FTSJ3: variants seen among roughly 807,000 people sequenced by gnomAD.
The protein encoded by FTSJ3 is pre-rRNA 2'-O-ribose RNA methyltransferase FTSJ3.
Under a neutral mutation model 111.5 loss-of-function variants are expected in FTSJ3, and 46 were observed. The observed-to-expected ratio is 0.41, with a 90% CI of 0.33 to 0.53. FTSJ3 has a LOEUF of 0.53. Among genes scored for constraint, FTSJ3 ranks in the 20% least tolerant of loss-of-function variants. The pLI is 0.19. For missense variants in FTSJ3, 1,075 were observed against 1,063.8 expected, an observed-to-expected ratio of 1.01 and a Z score of -0.15; for synonymous variants, 408 against 383.0, an observed-to-expected ratio of 1.07 and a Z score of -0.76.
In FTSJ3 at chr17:63,826,686, C is replaced by G. The variant is rs750989812; in HGVS notation, c.68-14G>C. 8.1e-6 allele frequency: 13 copies of G among 1,607,346 alleles called. No homozygotes were observed. Among genetic ancestry groups the G allele is most frequent in the Non-Finnish European group, 1.0e-5 (12 of 1,174,258 alleles). On this transcript the variant is annotated splice_polypyrimidine_tract_variant and intron_variant, in intron 2 of 20. Coordinates refer to ENST00000427159, the MANE Select transcript of FTSJ3 (RefSeq NM_017647.4). Reference sequence around the variant, plus strand: ...GGGAACGGTAACCTGGACAAAACAACCAAGTGCGCAAACTGCTTCACTAGT... The same window carrying G: ...GGGAACGGTAACCTGGACAAAACAAGCAAGTGCGCAAACTGCTTCACTAGT...
chr17:63,823,609 T>A (rs1051678357), intron 13 of FTSJ3: 52 of 470,342 alleles, frequency 1.1e-4, no homozygotes, highest in East Asian at 1.8e-4. Flanking sequence ...AAAAAAAAAA[T>A]AAATCTATCA....
chr17:63,827,088 C>A lies in FTSJ3; in HGVS notation c.-63G>T. On this transcript the variant is annotated 5_prime_UTR_variant, in exon 1 of 21. Transcript: ENST00000427159. The stretch of plus-strand genomic sequence containing the variant: ...GCCGCTTTCTCCACACTTGGAACCG[C>A]ACAAGTATGCAGCTAACTACTTCCG... 1.7e-6 allele frequency: 1 copy of A among 590,606 alleles called. No homozygotes were observed. The highest frequency in any genetic ancestry group is 1.9e-5 in the South Asian group (1 of 51,450). The allele number at this position is 590,606 out of a possible 1,614,324, so 36.6% of individuals were successfully genotyped here.
intron 2 of FTSJ3, 29 bp from the exon 3 acceptor site, chr17:63,826,701 G>T (rs1384440939): frequency 6.3e-7 from 1 of 1,583,850 alleles, no homozygotes; most frequent in Admixed American, 1.7e-5. Context: ...TGCGCAAACT[G>T]CTTCACTAGT....
Position 63,826,683 on chromosome 17 carries a change from C to A in FTSJ3, c.68-11G>T, listed in dbSNP as rs2040108314. The A allele has an allele frequency of 1.2e-6, 2 of 1,609,092 alleles. No individual in the cohort carries two copies. The highest frequency in any genetic ancestry group is 1.7e-6 in the Non-Finnish European group (2 of 1,176,188). On this transcript the variant is annotated splice_polypyrimidine_tract_variant and intron_variant, in intron 2 of 20. Transcript: ENST00000427159. ...ATCGGGAACGGTAACCTGGACAAAA[C>A]AACCAAGTGCGCAAACTGCTTCACT...
Position 63,827,374 on chromosome 17 carries a change from C to T in FTSJ3, c.-349G>A. 1 of 1,437,326 alleles carries T rather than the reference C, an allele frequency of 7.0e-7. No individual in the cohort carries two copies. Among genetic ancestry groups the T allele is most frequent in the Non-Finnish European group, 9.6e-7 (1 of 1,046,538 alleles). 89.0% of individuals were successfully genotyped at this position (1,437,326 alleles called of 1,614,324 possible). On this transcript the variant is annotated 5_prime_UTR_variant, in exon 1 of 21. The change creates a new upstream start codon in the 5' untranslated region. Coordinates refer to ENST00000427159, the MANE Select transcript of FTSJ3 (RefSeq NM_017647.4). ...GTTCCCTTAGTGTGGTCTCGCCGCACACCCCGCCCATTGACCCGGAATTCT... is the reference window on the plus strand; with the variant it reads ...GTTCCCTTAGTGTGGTCTCGCCGCATACCCCGCCCATTGACCCGGAATTCT...
chr17:63,827,185 C>G lies in FTSJ3; in HGVS notation c.-160G>C. 1.7e-6 allele frequency: 1 copy of G among 605,634 alleles called. No individual in the cohort carries two copies. Among genetic ancestry groups the G allele is most frequent in the South Asian group, 2.0e-5 (1 of 50,080 alleles). The allele number at this position is 605,634 out of a possible 1,614,324, so 37.5% of individuals were successfully genotyped here. On this transcript the variant is annotated 5_prime_UTR_variant, in exon 1 of 21. Coordinates refer to ENST00000427159, the MANE Select transcript of FTSJ3 (RefSeq NM_017647.4). ...TTTGAGTGTGGCCCTAGATTGTTCT[C>G]AATACTCTGTCCTTGGGTTTTGTAA...
rs202184279 is a variant in FTSJ3 at position 63,820,244 on chromosome 17, C to G, written c.2256+11G>C. ...CCACCCCACCCAATCTCTGGAGGCC[C>G]CATCACTTACCCTCCTTTTCTTTCT... is the stretch of plus-strand genomic sequence containing the variant. On this transcript the variant is annotated intron_variant, in intron 19 of 20. Coordinates refer to ENST00000427159, the MANE Select transcript of FTSJ3 (RefSeq NM_017647.4). 4.4e-6 allele frequency: 7 copies of G among 1,600,326 alleles called. No individual in the cohort carries two copies. In the East Asian group the frequency reaches 1.4e-4, roughly 31 times the overall value.
intron 4 of FTSJ3, 45 bp downstream of exon 4, chr17:63,826,213 T>C (rs905659779): frequency 6.2e-7 from 1 of 1,610,038 alleles, no homozygotes; most frequent in South Asian, 1.1e-5. Context: ...AAATACCTTA[T>C]ACACCCACCC....
At chr17:63,820,231 A>ACCCCCCCC (rs2040035812) in intron 19 of FTSJ3, 24 bp downstream of exon 19, 1 of 477,328 alleles carries the variant, frequency 2.1e-6, no homozygotes, top group African/African-American at 4.4e-5. Flanking sequence ...ACCCCACCCA[A>ACCCCCCCC]TCTCTGGAGG....
In FTSJ3 at chr17:63,824,852, A is replaced by G; in HGVS notation, c.789T>C (p.Pro263=). The change falls in exon 9 of 21, where the codon CCT becomes CCC. Residue 263 remains proline (P), a synonymous_variant. Coordinates refer to ENST00000427159, the MANE Select transcript of FTSJ3 (RefSeq NM_017647.4). ...CGCTGGCCTTGGAGAGGAAGTCAACAGGGTTGGCAGCTCGGAGGAAGTCAG... is the reference window on the plus strand; with the variant it reads ...CGCTGGCCTTGGAGAGGAAGTCAACGGGGTTGGCAGCTCGGAGGAAGTCAG... The part of the protein sequence containing the change: ...SVTDFLRAAN[P]VDFLSKASEI... 6.2e-7 allele frequency: 1 copy of G among 1,606,340 alleles called. No homozygotes were observed. Among genetic ancestry groups the G allele is most frequent in the Non-Finnish European group, 8.5e-7 (1 of 1,175,226 alleles).
intron 16 of FTSJ3, 104 bp downstream of exon 16, chr17:63,821,250 T>A (rs2040048245): frequency 4.6e-6 from 7 of 1,509,864 alleles, no homozygotes; most frequent in Non-Finnish European, 6.4e-6. Context: ...GTACAGTATT[T>A]TTAACCCTCC....
Position 63,827,047 on chromosome 17 carries a change from A to G in FTSJ3, c.-27+5T>C. On this transcript the variant is annotated splice_donor_5th_base_variant and intron_variant, in intron 1 of 20. Coordinates refer to ENST00000427159, the MANE Select transcript of FTSJ3 (RefSeq NM_017647.4). The stretch of plus-strand genomic sequence containing the variant: ...TTCCACCCCGCGCCCCTCTCCGCAC[A>G]CTACCTAGACCCAGAGCCGCTTTCT... 5.2e-6 allele frequency: 4 copies of G among 768,310 alleles called. No homozygotes were observed. The highest frequency in any genetic ancestry group is 1.5e-5 in the South Asian group (1 of 65,768). The allele number at this position is 768,310 out of a possible 1,614,324, so 47.6% of individuals were successfully genotyped here. A position where few individuals can be genotyped will look rare whatever the true frequency, so the allele number is the denominator to read the frequency against.
In FTSJ3 at chr17:63,820,418, T is replaced by A; in HGVS notation, c.2093A>T (p.Glu698Val). ...CACAAACCACTCCGGAAGCTCCCCC[T>A]CATCCTCATTAAATGTGTACCTGAG... Reference protein sequence around the residue: ...SFNRYTFNEDEGELPEWFVQE... With the variant: ...SFNRYTFNEDVGELPEWFVQE... The change falls in exon 19 of 21, where the codon GAG (glutamate) becomes GTG (valine). Residue 698 changes from glutamate (E) to valine (V), a missense_variant. This residue lies in a region of FTSJ3 where 867 missense variants were observed against 796.9 expected (regional missense o/e 1.09). Coordinates refer to ENST00000427159, the MANE Select transcript of FTSJ3 (RefSeq NM_017647.4). 6.2e-7 allele frequency: 1 copy of A among 1,614,088 alleles called. No homozygotes were observed.
At chr17:63,824,470 T>C in intron 10 of FTSJ3, 59 bp from the exon 11 acceptor site, 1 of 1,580,008 alleles carries the variant, frequency 6.3e-7, no homozygotes, top group Non-Finnish European at 8.7e-7. Context: ...CGCCCCCTTC[T>C]GTTTTAGGCT....
At position 63,824,111 on chromosome 17, in the gene FTSJ3, T is replaced by C; in HGVS notation, c.1127A>G (p.Lys376Arg). The C allele has an allele frequency of 6.2e-7, 1 of 1,614,160 alleles. No homozygotes were observed. Among genetic ancestry groups the C allele is most frequent in the Non-Finnish European group, 8.5e-7 (1 of 1,180,030 alleles). ...CTTCAATTCCGCCACCTCCTGGGCC[T>C]TCATTTCTGCCAAGGTCTGGTTCAG... ...EQLNQTLAEM[K>R]AQEVAELKRK... is the part of the protein sequence containing the mutation. The change falls in exon 12 of 21, where the codon AAG becomes AGG. Residue 376 changes from lysine (K) to arginine (R), a missense_variant. Lys to Arg is a conservative substitution (Grantham distance 26). Coordinates refer to ENST00000427159, the MANE Select transcript of FTSJ3 (RefSeq NM_017647.4).
Position 63,819,473 on chromosome 17 carries a change from G to C in FTSJ3, c.*329C>G. ...TTTATTCAGGAATAGGATGGGGGTG[G>C]GGAGGGCTTAAGTGGCCCACACGTC... On this transcript the variant is annotated 3_prime_UTR_variant, in exon 21 of 21. Coordinates refer to ENST00000427159, the MANE Select transcript of FTSJ3 (RefSeq NM_017647.4). 3.9e-6 allele frequency: 1 copy of C among 259,088 alleles called. No homozygotes were observed. The highest frequency in any genetic ancestry group is 7.4e-6 in the Non-Finnish European group (1 of 135,322). The allele number at this position is 259,088 out of a possible 1,614,324, so 16.0% of individuals were successfully genotyped here.
In FTSJ3 at chr17:63,827,376, C is replaced by G. The variant is rs1212066832; in HGVS notation, c.-351G>C. 3.4e-6 allele frequency: 5 copies of G among 1,450,640 alleles called. No individual in the cohort carries two copies. In the African/African-American group the frequency reaches 5.6e-5, roughly 16 times the overall value. The allele number at this position is 1,450,640 out of a possible 1,614,324, so 89.9% of individuals were successfully genotyped here. ...TCCCTTAGTGTGGTCTCGCCGCACA[C>G]CCCGCCCATTGACCCGGAATTCTTC... On this transcript the variant is annotated 5_prime_UTR_variant, in exon 1 of 21. Coordinates refer to ENST00000427159, the MANE Select transcript of FTSJ3 (RefSeq NM_017647.4).
rs1175815653 is a variant in FTSJ3 at position 63,823,836 on chromosome 17, C to T, written c.1271G>A (p.Ser424Asn). The T allele has an allele frequency of 6.2e-7, 1 of 1,614,138 alleles. No homozygotes were observed. Among genetic ancestry groups the T allele is most frequent in the South Asian group, 1.1e-5 (1 of 91,080 alleles). ...DEGETGMFSL[S>N]TIRGHQLLEE... The stretch of plus-strand genomic sequence containing the variant: ...CCTCACCTGGTGACCCCGGATGGTG[C>T]TCAAGGAGAACATGCCAGTCTCCCC... The change falls in exon 13 of 21, where the codon AGC becomes AAC. Residue 424 changes from serine to asparagine, a missense_variant. This residue lies in a region of FTSJ3 where 867 missense variants were observed against 796.9 expected (regional missense o/e 1.09). Coordinates refer to ENST00000427159, the MANE Select transcript of FTSJ3 (RefSeq NM_017647.4).
chr17:63,827,630 C>A lies in FTSJ3; in HGVS notation c.-605G>T, dbSNP rs370140999. 1.0e-4 allele frequency: 158 copies of A among 1,543,000 alleles called. 1 individual carries two copies. The African/African-American group carries it at 1.9e-3, about 18-fold the overall frequency. On this transcript the variant is annotated 5_prime_UTR_variant, in exon 1 of 21. Coordinates refer to ENST00000427159, the MANE Select transcript of FTSJ3 (RefSeq NM_017647.4). ...TCGGGTGGGTCGGAGGTGCCTGGAC[C>A]AGTCCATGCTGGACGCTGCCTGCGA...
Sources: gnomAD v4.1 joint callset for allele counts on GRCh38, gnomAD v4.1.1 for gene constraint, gnomAD v4.1.1 regional missense constraint, MANE v1.5 for transcripts, NCBI Gene and HGNC (gene_info 2026-07-23, HGNC 2026-07-21) for gene names.